Variants in SYT1 observed in about 807,000 individuals in gnomAD.
The protein encoded by SYT1 is synaptotagmin-1.
Under a neutral mutation model 44.8 loss-of-function variants are expected in SYT1, and 8 were observed. The ratio of observed to expected loss-of-function variants is 0.18; its 90% CI spans 0.10 to 0.32. SYT1 has a LOEUF of 0.32. SYT1 is among the 10% of genes least tolerant of loss of function. SYT1 has a pLI of 1.00. For synonymous variants in SYT1, 154 were observed against 188.8 expected (o/e 0.82, Z 1.51); for missense variants, 286 against 509.3 (o/e 0.56, Z 4.22).
At chr12:79,319,993 A>G (rs1202224315) in intron 8 of SYT1, among the ~76,000 whole-genome samples, 1 of 152,226 alleles carries the variant, frequency 6.6e-6, no homozygotes, top group Non-Finnish European at 1.5e-5. Flanking sequence ...AATTAGGGGT[A>G]CTTGAATATA....
intron 2 of SYT1, among the ~76,000 whole-genome samples, chr12:79,022,891 G>C (rs908000693): frequency 2.0e-5 from 3 of 151,692 alleles, no homozygotes; most frequent in African/African-American, 7.3e-5. Flanking sequence ...GCTTTCGAAA[G>C]ACAAGCAAAT....
intron 3 of SYT1, among the ~76,000 whole-genome samples, chr12:79,214,946 TGTGTGTG>T (rs1874691771): frequency 9.5e-5 from 1 of 10,532 alleles, no homozygotes; most frequent in Admixed American, 1.2e-3. Flanking sequence ...TGTATATGTG[TGTGTGTG>T]TGTGTGTGTG....
intron 7 of SYT1, among the ~76,000 whole-genome samples, chr12:79,297,251 T>A (rs1360005908): frequency 6.6e-6 from 1 of 152,160 alleles, no homozygotes; most frequent in Non-Finnish European, 1.5e-5. Flanking sequence ...GGTTTTTCTG[T>A]ACCTAAGCAG....
At chr12:79,035,448 A>G (rs1873070329) in intron 2 of SYT1, among the ~76,000 whole-genome samples, 1 of 151,718 alleles carries the variant, frequency 6.6e-6, no homozygotes, top group Non-Finnish European at 1.5e-5. Flanking sequence ...CTTTTTATGA[A>G]GCCAACAATT....
intron 3 of SYT1, among the ~76,000 whole-genome samples, chr12:79,127,489 A>AC (rs1430065258): frequency 2.0e-5 from 3 of 152,250 alleles, no homozygotes; most frequent in Admixed American, 2.0e-4. Context: ...AATGTGGGAA[A>AC]CTTACTTAAT....
rs779550809 is a variant in SYT1, at chr12:79,271,033, G to C, written c.167-14754G>C. ...CCAATTGTTCATTCAGTAGGTGTGA[G>C]ATTCAATGAATGTCTGATGAACAGG... is the stretch of plus-strand genomic sequence containing the variant. On this transcript the variant is annotated intron_variant, in intron 4 of 10. Transcript: ENST00000261205. 2.0e-5 allele frequency among the ~76,000 whole-genome samples: 3 copies of C among 152,188 alleles called. 1 individual carries two copies. Among genetic ancestry groups the C allele is most frequent in the South Asian group, 4.1e-4 (2 of 4,834 alleles).
At chr12:78,867,891 A>G (rs578044200) in intron 1 of SYT1, among the ~76,000 whole-genome samples, 19 of 152,098 alleles carry the variant, frequency 1.2e-4, no homozygotes, top group African/African-American at 4.6e-4. Flanking sequence ...AATTATATGC[A>G]AGATGAGCTG....
intron 3 of SYT1, among the ~76,000 whole-genome samples, chr12:79,048,230 C>T (rs1874215690): frequency 6.6e-6 from 1 of 151,602 alleles, no homozygotes; most frequent in Non-Finnish European, 1.5e-5. Context: ...TATCTTAGTA[C>T]ATATCAAACT....
intron 10 of SYT1, among the ~76,000 whole-genome samples, chr12:79,447,523 A>G (rs1870804321): frequency 6.6e-6 from 1 of 152,202 alleles, no homozygotes; most frequent in East Asian, 1.9e-4. Flanking sequence ...GAATGCTACT[A>G]ATCAATGCAT....
chr12:79,418,336 C>T lies in SYT1; in HGVS notation c.929-25737C>T, dbSNP rs142194569. On this transcript the variant is annotated intron_variant, in intron 9 of 10. Transcript: ENST00000261205. ...AAAATGTCCACTGGATGGAAGGTTA[C>T]ACTAACTTTTTAGCTCTCAAATTCG... Among the ~76,000 whole-genome samples the T allele has an allele frequency of 2.2e-3, 329 of 152,276 alleles. 2 individuals carry two copies. Among genetic ancestry groups the T allele is most frequent in the African/African-American group, 7.7e-3 (321 of 41,558 alleles).
intron 3 of SYT1, among the ~76,000 whole-genome samples, chr12:79,056,413 A>G (rs1049739662): frequency 2.0e-5 from 3 of 152,056 alleles, no homozygotes; most frequent in East Asian, 3.9e-4. Context: ...GACAATCTCA[A>G]TAGCATGACT....
chr12:79,386,876 G>T (rs1167789075), intron 9 of SYT1, among the ~76,000 whole-genome samples: 1 of 152,076 alleles, frequency 6.6e-6, no homozygotes, highest in African/African-American at 2.4e-5. Flanking sequence ...CTCTACGGGT[G>T]TGCACTCTCC....
intron 9 of SYT1, among the ~76,000 whole-genome samples, chr12:79,403,064 GATA>G (rs1204759054): frequency 3.3e-5 from 5 of 152,306 alleles, no homozygotes; most frequent in Non-Finnish European, 7.3e-5. Flanking sequence ...CTGAATAAAT[GATA>G]ATAAGTCATT....
intron 1 of SYT1, among the ~76,000 whole-genome samples, chr12:78,897,953 C>T (rs1253953505): frequency 2.0e-5 from 3 of 151,978 alleles, no homozygotes; most frequent in Non-Finnish European, 2.9e-5. Context: ...TTTAGGCAGC[C>T]TTCCTCACCT....
intron 1 of SYT1, among the ~76,000 whole-genome samples, chr12:78,908,819 A>T (rs2137120075): frequency 6.6e-6 from 1 of 152,114 alleles, no homozygotes; most frequent in African/African-American, 2.4e-5. Context: ...TTAACCTCTT[A>T]TCTGGAATAT....
chr12:79,417,525 A>T (rs754714780), intron 9 of SYT1, among the ~76,000 whole-genome samples: 4 of 152,130 alleles, frequency 2.6e-5, no homozygotes, highest in Non-Finnish European at 4.4e-5. Flanking sequence ...CTCATCCTAA[A>T]GCAAAAATCT....
intron 2 of SYT1, among the ~76,000 whole-genome samples, chr12:79,010,949 A>T (rs1409283083): frequency 6.6e-6 from 1 of 152,222 alleles, no homozygotes; most frequent in African/African-American, 2.4e-5. Flanking sequence ...CTCAAAGGGA[A>T]GGAAGGACAG....
intron 2 of SYT1, among the ~76,000 whole-genome samples, chr12:79,025,799 G>C (rs1375339955): frequency 2.0e-5 from 3 of 151,504 alleles, no homozygotes; most frequent in Non-Finnish European, 4.4e-5. Flanking sequence ...TTTGACTCTA[G>C]AGCTTTTTTA....
chr12:79,056,506 C>T (rs970488652), intron 3 of SYT1, among the ~76,000 whole-genome samples: 5 of 151,996 alleles, frequency 3.3e-5, no homozygotes, highest in Non-Finnish European at 5.9e-5. Context: ...CAGTATGCAT[C>T]ACGATGTGAA....
Sources: gnomAD v4.1 joint callset for allele counts (sites outside exome capture counted in the v4.1 genomes callset) on GRCh38, gnomAD v4.1.1 for gene constraint, MANE v1.5 for transcripts, NCBI Gene and HGNC (gene_info 2026-07-23, HGNC 2026-07-21) for gene names.